Variants in CLTA observed in about 807,000 individuals in gnomAD.
The protein encoded by CLTA is clathrin light chain A, also known as clathrin, light polypeptide (Lca).
Under a neutral mutation model 26.9 loss-of-function variants are expected in CLTA, and 9 were observed. The observed-to-expected ratio is 0.33, with a 90% CI of 0.20 to 0.58. CLTA has a LOEUF of 0.58. Ranked by LOEUF, CLTA falls within the 20% of genes least tolerant of loss-of-function variation. CLTA has a pLI of 0.85. For missense variants in CLTA, 278 were observed against 294.2 expected, an observed-to-expected ratio of 0.94 and a Z score of 0.40; for synonymous variants, 120 against 115.5, an observed-to-expected ratio of 1.04 and a Z score of -0.25.
intron 4 of CLTA, chr9:36,209,358 T>A (rs748737471): frequency 1.4e-6 from 2 of 1,465,614 alleles, no homozygotes; most frequent in Non-Finnish European, 1.9e-6. Context: ...TACATCTGAT[T>A]CTTTCTACTT....
At chr9:36,196,471 T>C (rs1321114203) in intron 1 of CLTA, among the ~76,000 whole-genome samples, 2 of 151,676 alleles carry the variant, frequency 1.3e-5, no homozygotes, top group Non-Finnish European at 2.9e-5. Context: ...TTCAGCCTCC[T>C]GAGTAGCTGG....
Position 36,192,268 on chromosome 9 carries a change from C to T in CLTA, c.217+995C>T, listed in dbSNP as rs538821283. Among the ~76,000 whole-genome samples the T allele has an allele frequency of 2.2e-4, 33 of 152,188 alleles. No homozygotes were observed. The South Asian group carries it at 6.8e-3, about 32-fold the overall frequency. The stretch of plus-strand genomic sequence containing the variant: ...TAAGGAGCCAGGTAGGTAACATATA[C>T]GAGAGAAGCTGGCTTGACATGAGAC... On this transcript the variant is annotated intron_variant, in intron 1 of 4. Coordinates refer to ENST00000345519, the MANE Select transcript of CLTA (RefSeq NM_001833.4).
At chr9:36,208,459 TAG>T (rs770285777) in intron 4 of CLTA, among the ~76,000 whole-genome samples, 17 of 152,120 alleles carry the variant, frequency 1.1e-4, no homozygotes, top group Non-Finnish European at 1.8e-4. Flanking sequence ...GCTTCTTGAG[TAG>T]AGAGAGAGCC....
chr9:36,194,927 C>T (rs574607670), intron 1 of CLTA, among the ~76,000 whole-genome samples: 2 of 152,140 alleles, frequency 1.3e-5, no homozygotes, highest in Admixed American at 6.5e-5. Flanking sequence ...TCTGGAGGAG[C>T]CTTCAGACAG....
intron 3 of CLTA, 48 bp from the exon 4 acceptor site, chr9:36,204,020 T>G (rs1380670051): frequency 6.2e-7 from 1 of 1,609,792 alleles, no homozygotes; most frequent in Non-Finnish European, 8.5e-7. Context: ...GAACTTCAGT[T>G]TGCACTTTGC....
intron 4 of CLTA, 110 bp from the exon 5 acceptor site, chr9:36,211,493 G>A: frequency 7.0e-7 from 1 of 1,425,962 alleles, no homozygotes; most frequent in Admixed American, 2.2e-5. Flanking sequence ...GGGAAAGCCA[G>A]AATGTCATTA....
rs946252918 is a variant in CLTA, at chr9:36,190,935, T to A, written c.-122T>A. 3 of 1,415,862 alleles carry A rather than the reference T, an allele frequency of 2.1e-6. No homozygotes were observed. The highest frequency in any genetic ancestry group is 2.7e-6 in the Non-Finnish European group (3 of 1,091,036). 87.7% of individuals were successfully genotyped at this position (1,415,862 alleles called of 1,614,324 possible). A position where few individuals can be genotyped will look rare whatever the true frequency, so the allele number is the denominator to read the frequency against. On this transcript the variant is annotated 5_prime_UTR_variant, in exon 1 of 5. Coordinates refer to ENST00000345519, the MANE Select transcript of CLTA (RefSeq NM_001833.4). ...GGGTAGGGCTTCCGCTTTACCCGTC[T>A]CCCTCCTGGCGCTTGTCCTCCTCTC...
chr9:36,199,452 T>A (rs1464284658), intron 3 of CLTA, among the ~76,000 whole-genome samples: 1 of 151,164 alleles, frequency 6.6e-6, no homozygotes, highest in Admixed American at 6.6e-5. Context: ...TTTTTCTTTT[T>A]TCTTTTTTTT....
chr9:36,204,201 C>T, intron 4 of CLTA, 22 bp downstream of exon 4: 1 of 1,597,440 alleles, frequency 6.3e-7, no homozygotes, highest in South Asian at 1.1e-5. Flanking sequence ...GTGGTTGTAG[C>T]ACACTTTGTT....
chr9:36,197,245 A>G (rs1296914947), intron 1 of CLTA, among the ~76,000 whole-genome samples: 1 of 152,080 alleles, frequency 6.6e-6, no homozygotes, highest in Admixed American at 6.6e-5. Flanking sequence ...CTCATGCAGA[A>G]TTTTCATAGA....
rs1310201362 is a variant in CLTA at position 36,199,091 on chromosome 9, C to T, written c.368C>T (p.Ala123Val). 1 of 1,606,072 alleles carries T rather than the reference C, an allele frequency of 6.2e-7. No individual in the cohort carries two copies. Among genetic ancestry groups the T allele is most frequent in the Non-Finnish European group, 8.5e-7 (1 of 1,172,926 alleles). ...GAAGAACAAATGGAACGCTTGGAAG[C>T]CCTTGGTAAGGAATCCCTTCTGTGT... ...WREEQMERLE[A>V]LDANSRKQEA... Residue 123 changes from alanine (A) to valine (V), a missense_variant, in exon 3 of 5, where the codon GCC (alanine) becomes GTC (valine). By Grantham distance (64) the Ala-to-Val change is moderately conservative. Coordinates refer to ENST00000345519, the MANE Select transcript of CLTA (RefSeq NM_001833.4).
chr9:36,199,153 C>T, intron 3 of CLTA, 57 bp downstream of exon 3: 1 of 1,100,036 alleles, frequency 9.1e-7, no homozygotes, highest in Non-Finnish European at 1.4e-6. Context: ...TTGAGCTGGA[C>T]TCTACTTTTA....
chr9:36,211,569 T>A, intron 4 of CLTA, 34 bp from the exon 5 acceptor site: 7 of 1,575,896 alleles, frequency 4.4e-6, no homozygotes, highest in Non-Finnish European at 6.1e-6. Context: ...AAGGGGGTTC[T>A]GCATAAACCA....
At chr9:36,197,683 T>C in intron 2 of CLTA, 95 bp downstream of exon 2, 1 of 899,854 alleles carries the variant, frequency 1.1e-6, no homozygotes, top group Non-Finnish European at 1.7e-6. Flanking sequence ...CCCCAGTCCT[T>C]TGACTTTCCT....
intron 1 of CLTA, among the ~76,000 whole-genome samples, chr9:36,196,457 CTCTT>C (rs1323106590): frequency 6.6e-5 from 10 of 151,300 alleles, no homozygotes; most frequent in Admixed American, 6.6e-4. Context: ...AGCAATTCTC[CTCTT>C]TCAGCCTCCT....
chr9:36,201,233 A>G (rs181092389), intron 3 of CLTA, among the ~76,000 whole-genome samples: 4 of 152,334 alleles, frequency 2.6e-5, no homozygotes, highest in Non-Finnish European at 5.9e-5. Context: ...TGTTCCTTCA[A>G]TTTCACCTTT....
intron 1 of CLTA, among the ~76,000 whole-genome samples, chr9:36,196,287 A>AAAAAAT (rs1554650954): frequency 0.016 from 2,442 of 149,702 alleles, 68 homozygotes; most frequent in African/African-American, 0.057. Flanking sequence ...TCTCTCAAAA[A>AAAAAAT]AAAATAAAAT....
intron 2 of CLTA, 127 bp from the exon 3 acceptor site, chr9:36,198,852 G>A (rs566179312): frequency 6.1e-5 from 34 of 561,902 alleles, no homozygotes; most frequent in Non-Finnish European, 7.6e-5. Flanking sequence ...CAGCCTTGGC[G>A]ACAAGAGTGA....
chr9:36,211,014 G>A lies in CLTA; in HGVS notation c.486-589G>A, dbSNP rs143323050. On this transcript the variant is annotated intron_variant, in intron 4 of 4. Transcript: ENST00000345519. ...CTGAGTGGCCCCAAGGCACCTGGCT[G>A]GAGGGAAAATGGCAAACTTTTGGCT... Among the ~76,000 whole-genome samples, 818 of 152,332 alleles carry A rather than the reference G, an allele frequency of 5.4e-3. 4 individuals are homozygous for A. The highest frequency in any genetic ancestry group is 0.017 in the African/African-American group (718 of 41,578).
Sources: gnomAD v4.1 joint callset for allele counts (sites outside exome capture counted in the v4.1 genomes callset) on GRCh38, gnomAD v4.1.1 for gene constraint, MANE v1.5 for transcripts, NCBI Gene and HGNC (gene_info 2026-07-23, HGNC 2026-07-21) for gene names.